Variants in SHISA9 observed in about 807,000 individuals in gnomAD.
SHISA9 encodes protein shisa-9.
SHISA9 carries 13 observed loss-of-function variants against 38.0 expected under a neutral mutation model. The ratio of observed to expected loss-of-function variants is 0.34; its 90% CI spans 0.22 to 0.54. The LOEUF is 0.54. Ranked by LOEUF, SHISA9 falls within the 20% of genes least tolerant of loss-of-function variation. SHISA9 has a pLI of 0.91. For missense variants in SHISA9, 538 were observed against 575.8 expected, an observed-to-expected ratio of 0.93 and a Z score of 0.67; for synonymous variants, 275 against 242.0, an observed-to-expected ratio of 1.14 and a Z score of -1.27.
At chr16:13,462,698 A>C in the SHISA9 span, among the ~76,000 whole-genome samples, 3 of 152,250 alleles carry the variant, frequency 2.0e-5, no homozygotes, top group Middle Eastern at 3.4e-3. Context: ...ACAGTGGCTC[A>C]CACGTGTAAT....
At chr16:13,354,370 T>A in the SHISA9 span, among the ~76,000 whole-genome samples, 1 of 134,944 alleles carries the variant, frequency 7.4e-6, no homozygotes, top group Non-Finnish European at 1.6e-5. Context: ...AGAAGGAAAT[T>A]TGGGGAAATG....
chr16:13,250,080 A>G, the SHISA9 span, among the ~76,000 whole-genome samples: 1 of 152,030 alleles, frequency 6.6e-6, no homozygotes, highest in Non-Finnish European at 1.5e-5. Flanking sequence ...CACCACTTCC[A>G]TACCTAGTCT....
chr16:13,453,771 G>A, the SHISA9 span, among the ~76,000 whole-genome samples: 7 of 152,322 alleles, frequency 4.6e-5, no homozygotes, highest in South Asian at 1.0e-3. Flanking sequence ...GACCACATAG[G>A]AGAAGGCTTA....
At chr16:13,495,290 T>C in the SHISA9 span, among the ~76,000 whole-genome samples, 1 of 152,228 alleles carries the variant, frequency 6.6e-6, no homozygotes, top group African/African-American at 2.4e-5. Context: ...AGTGGTCAAT[T>C]TCCTAGTTTT....
intron 2 of SHISA9, among the ~76,000 whole-genome samples, chr16:13,058,897 A>T (rs2073341329): frequency 6.6e-6 from 1 of 152,036 alleles, no homozygotes; most frequent in African/African-American, 2.4e-5. Context: ...GAAGTACATA[A>T]TTCTAGACCA....
chr16:13,497,136 CT>C, the SHISA9 span, among the ~76,000 whole-genome samples: 1 of 151,950 alleles, frequency 6.6e-6, no homozygotes, highest in Non-Finnish European at 1.5e-5. Flanking sequence ...TGTTATTCAT[CT>C]TTTTTTAAAT....
chr16:13,530,000 T>A, the SHISA9 span, among the ~76,000 whole-genome samples: 1 of 152,132 alleles, frequency 6.6e-6, no homozygotes. Context: ...GCCGCCTGGG[T>A]TTAAATATCA....
intron 2 of SHISA9, among the ~76,000 whole-genome samples, chr16:13,166,399 C>T (rs1484339170): frequency 6.6e-6 from 1 of 152,194 alleles, no homozygotes; most frequent in African/African-American, 2.4e-5. Context: ...TGTCTTAGAA[C>T]ATCCTCTTTG....
At chr16:12,962,806 A>T (rs2071928349) in intron 2 of SHISA9, among the ~76,000 whole-genome samples, 1 of 152,128 alleles carries the variant, frequency 6.6e-6, no homozygotes, top group Non-Finnish European at 1.5e-5. Flanking sequence ...AATCACCCTG[A>T]TTTTCATTTG....
chr16:13,297,684 T>C, the SHISA9 span, among the ~76,000 whole-genome samples: 1 of 152,208 alleles, frequency 6.6e-6, no homozygotes, highest in East Asian at 1.9e-4. Context: ...TTCTTGACAG[T>C]CAGAGAAAGA....
the SHISA9 span, among the ~76,000 whole-genome samples, chr16:13,278,492 T>TA: frequency 6.6e-6 from 1 of 152,104 alleles, no homozygotes; most frequent in Admixed American, 6.6e-5. Context: ...AAAGGATTGA[T>TA]ACGCATTCGT....
chr16:13,314,187 CTTTCATTTTTA>C, the SHISA9 span, among the ~76,000 whole-genome samples: 18 of 150,272 alleles, frequency 1.2e-4, no homozygotes, highest in African/African-American at 4.4e-4. Flanking sequence ...ACTCCTTATT[CTTTCATTTTTA>C]TTTCATTTTT....
chr16:13,111,147 G>A (rs1205117039), intron 2 of SHISA9, among the ~76,000 whole-genome samples: 9 of 152,090 alleles, frequency 5.9e-5, no homozygotes, highest in South Asian at 4.1e-4. Context: ...AAGACTTCAT[G>A]ACTAAAACAC....
rs937149356 is a variant in SHISA9, at chr16:13,175,802, T to C, written c.692-27592T>C. On this transcript the variant is annotated intron_variant, in intron 2 of 4. Coordinates refer to ENST00000558583, the MANE Select transcript of SHISA9 (RefSeq NM_001145204.3). ...CCTGCATCACTTTGATAATAAAATA[T>C]GCCCCCCCACACTTTCACGTGCTTC... Among the ~76,000 whole-genome samples the C allele has an allele frequency of 7.2e-5, 11 of 152,174 alleles. 1 individual carries two copies. Among genetic ancestry groups the C allele is most frequent in the African/African-American group, 2.7e-4 (11 of 41,448 alleles).
intron 2 of SHISA9, among the ~76,000 whole-genome samples, chr16:13,174,885 T>C (rs2050718215): frequency 6.6e-6 from 1 of 152,158 alleles, no homozygotes; most frequent in South Asian, 2.1e-4. Context: ...GGGTCCCTTA[T>C]ATTCCAGGTA....
chr16:13,562,514 C>T, the SHISA9 span, among the ~76,000 whole-genome samples: 4 of 151,562 alleles, frequency 2.6e-5, no homozygotes, highest in African/African-American at 9.7e-5. Flanking sequence ...CCTGTAGTCC[C>T]AGCTGCTCGG....
intron 4 of SHISA9, among the ~76,000 whole-genome samples, chr16:13,223,326 A>T (rs981225888): frequency 1.3e-5 from 2 of 152,106 alleles, no homozygotes; most frequent in South Asian, 4.2e-4. Context: ...GATTCTCGGG[A>T]GGCTGAGGTG....
At chr16:12,930,774 C>A (rs1386048129) in intron 2 of SHISA9, among the ~76,000 whole-genome samples, 1 of 152,230 alleles carries the variant, frequency 6.6e-6, no homozygotes, top group Non-Finnish European at 1.5e-5. Flanking sequence ...AAATCTCTAA[C>A]AGTTATGTTT....
At chr16:12,969,169 A>G (rs1314994883) in intron 2 of SHISA9, among the ~76,000 whole-genome samples, 2 of 151,618 alleles carry the variant, frequency 1.3e-5, no homozygotes, top group Admixed American at 6.6e-5. Flanking sequence ...AAGAAAAAAA[A>G]AAAAAGAAAA....
Sources: gnomAD v4.1 joint callset for allele counts (sites outside exome capture counted in the v4.1 genomes callset) on GRCh38, gnomAD v4.1.1 for gene constraint, MANE v1.5 for transcripts, NCBI Gene and HGNC (gene_info 2026-07-23, HGNC 2026-07-21) for gene names.